HS3ST5: variants seen among roughly 807,000 people sequenced by gnomAD.
The protein encoded by HS3ST5 is heparan sulfate glucosamine 3-O-sulfotransferase 5.
HS3ST5 carries 10 observed loss-of-function variants against 25.4 expected under a neutral mutation model. That is an observed-to-expected ratio of 0.39 (90% CI 0.24 to 0.67). HS3ST5 has a LOEUF of 0.67. Ranked by LOEUF, HS3ST5 falls within the 30% of genes least tolerant of loss-of-function variation. The probability of loss-of-function intolerance (pLI) is 0.44; values close to 1 mark genes in which losing one functional copy is unlikely to be tolerated. For missense variants in HS3ST5, 324 were observed against 420.7 expected (o/e 0.77, Z 2.01); for synonymous variants, 170 against 162.4 (o/e 1.05, Z -0.36).
chr6:114,123,350 A>T (rs1405477062), intron 3 of HS3ST5, among the ~76,000 whole-genome samples: 1 of 152,226 alleles, frequency 6.6e-6, no homozygotes, highest in Non-Finnish European at 1.5e-5. Context: ...AAATGAGAAA[A>T]CTAAGCCAAC....
intron 1 of HS3ST5, among the ~76,000 whole-genome samples, chr6:114,267,092 C>T (rs1037776756): frequency 6.6e-6 from 1 of 151,770 alleles, no homozygotes; most frequent in Non-Finnish European, 1.5e-5. Context: ...AAATGGCAAT[C>T]GTGACACAAA....
At chr6:114,232,040 T>C (rs980214462) in intron 1 of HS3ST5, among the ~76,000 whole-genome samples, 4 of 152,232 alleles carry the variant, frequency 2.6e-5, no homozygotes, top group Non-Finnish European at 5.9e-5. Context: ...TTTGGCTTAG[T>C]ATTTACATTA....
At chr6:114,244,457 A>G (rs1772288398) in intron 1 of HS3ST5, among the ~76,000 whole-genome samples, 1 of 152,228 alleles carries the variant, frequency 6.6e-6, no homozygotes, top group South Asian at 2.1e-4. Context: ...GGAGAAAATA[A>G]TGTATTTCAT....
chr6:114,257,714 G>C (rs532730341), intron 1 of HS3ST5, among the ~76,000 whole-genome samples: 1 of 151,902 alleles, frequency 6.6e-6, no homozygotes, highest in African/African-American at 2.4e-5. Context: ...TATATGTCAC[G>C]TATATTAGTT....
rs118016027 is a variant in HS3ST5 at position 114,175,811 on chromosome 6, T to A, written c.-144-7349A>T. Among the ~76,000 whole-genome samples, 1,309 of 152,346 alleles carry A rather than the reference T, an allele frequency of 8.6e-3. 13 individuals carry two copies. The highest frequency in any genetic ancestry group is 0.012 in the Non-Finnish European group (787 of 68,030). ...TGTTATTCCCACATAAATTACTTAA[T>A]ACAACTGCTACTGGTTTTACAGATT... On this transcript the variant is annotated intron_variant, in intron 2 of 4. Coordinates refer to ENST00000312719, the MANE Select transcript of HS3ST5 (RefSeq NM_153612.4).
At chr6:114,233,063 T>G (rs2114545448) in intron 1 of HS3ST5, among the ~76,000 whole-genome samples, 1 of 151,948 alleles carries the variant, frequency 6.6e-6, no homozygotes, top group East Asian at 1.9e-4. Flanking sequence ...GACACTCTTT[T>G]TTTTTTTTTT....
intron 3 of HS3ST5, chr6:114,084,832 TC>T: frequency 6.5e-6 from 4 of 612,678 alleles, no homozygotes; most frequent in South Asian, 3.5e-5. Context: ...TCTTTTCTTT[TC>T]TTTTTTTTTT....
At chr6:114,158,257 T>C (rs996098054) in intron 3 of HS3ST5, among the ~76,000 whole-genome samples, 22 of 152,208 alleles carry the variant, frequency 1.4e-4, no homozygotes, top group Admixed American at 1.4e-3. Context: ...TGTGGAAATA[T>C]TAATAAAAGA....
chr6:114,291,032 C>T (rs912582012), intron 1 of HS3ST5, among the ~76,000 whole-genome samples: 6 of 152,028 alleles, frequency 3.9e-5, no homozygotes, highest in Non-Finnish European at 7.4e-5. Context: ...TTTCTAGGTA[C>T]ACCAGGTACT....
intron 3 of HS3ST5, chr6:114,084,665 GC>G: frequency 8.5e-7 from 1 of 1,175,202 alleles, no homozygotes; most frequent in Non-Finnish European, 1.3e-6. Context: ...CTGATGGTCA[GC>G]CCTGGGGTCA....
intron 1 of HS3ST5, among the ~76,000 whole-genome samples, chr6:114,257,796 G>T (rs1455541965): frequency 6.6e-6 from 1 of 151,938 alleles, no homozygotes; most frequent in Non-Finnish European, 1.5e-5. Context: ...GAGTGCAGTG[G>T]CATGAACATA....
chr6:114,319,132 A>T (rs1775863463), intron 1 of HS3ST5, among the ~76,000 whole-genome samples: 1 of 152,196 alleles, frequency 6.6e-6, no homozygotes, highest in Admixed American at 6.6e-5. Context: ...TAAACATGAT[A>T]CAAGTTTACT....
At chr6:114,295,822 G>A (rs940543839) in intron 1 of HS3ST5, among the ~76,000 whole-genome samples, 1 of 152,114 alleles carries the variant, frequency 6.6e-6, no homozygotes, top group African/African-American at 2.4e-5. Context: ...ATATCCAAGT[G>A]GCTTCTTCAC....
intron 1 of HS3ST5, among the ~76,000 whole-genome samples, chr6:114,263,008 T>C (rs961054265): frequency 6.6e-5 from 10 of 152,184 alleles, no homozygotes; most frequent in Non-Finnish European, 1.5e-4. Context: ...TATAATGGCA[T>C]TCAGTTGCTG....
rs917508600 is a variant in HS3ST5, at chr6:114,254,973, A to T, written c.-338-26195T>A. ...ACATCCTGACATTTTAAAACCAATC[A>T]TGCCTTCCCAACAGTCCCCCAAGGT... On this transcript the variant is annotated intron_variant, in intron 1 of 4. Transcript: ENST00000312719. Among the ~76,000 whole-genome samples, 7 of 152,254 alleles carry T rather than the reference A, an allele frequency of 4.6e-5. 1 individual carries two copies. The highest frequency in any genetic ancestry group is 3.3e-4 in the Admixed American group (5 of 15,298).
intron 2 of HS3ST5, among the ~76,000 whole-genome samples, chr6:114,200,697 AG>A (rs1235910102): frequency 1.3e-5 from 2 of 152,256 alleles, no homozygotes; most frequent in Admixed American, 6.5e-5. Context: ...AATGATTTAT[AG>A]TATTCTATTT....
Position 114,096,067 on chromosome 6 carries a change from T to G in HS3ST5, c.-32-33190A>C, listed in dbSNP as rs568149975. 3.3e-5 allele frequency among the ~76,000 whole-genome samples: 5 copies of G among 152,280 alleles called. No homozygotes were observed. The South Asian group carries it at 1.0e-3, about 32-fold the overall frequency. The stretch of plus-strand genomic sequence containing the variant: ...CTTCACCTTACCTTTTAAGATTCCA[T>G]GGATGTATTTTAAACCTTCAGGAAG... On this transcript the variant is annotated intron_variant, in intron 3 of 4. Transcript: ENST00000312719.
intron 2 of HS3ST5, among the ~76,000 whole-genome samples, chr6:114,177,359 A>G (rs1320448663): frequency 6.6e-6 from 1 of 152,190 alleles, no homozygotes; most frequent in Non-Finnish European, 1.5e-5. Flanking sequence ...ATGCCACAGA[A>G]TGATAATCAC....
chr6:114,322,208 G>C (rs1225559633), intron 1 of HS3ST5, among the ~76,000 whole-genome samples: 4 of 152,166 alleles, frequency 2.6e-5, no homozygotes, highest in Middle Eastern at 3.4e-3. Context: ...ATATAAATGT[G>C]GTTTTAAAGT....
Sources: allele counts gnomAD v4.1 joint callset (sites outside exome capture counted in the v4.1 genomes callset), GRCh38; gene constraint gnomAD v4.1.1; transcripts MANE v1.5; gene names NCBI Gene and HGNC (gene_info 2026-07-23, HGNC 2026-07-21).